The following PAK4 variants were observed in gnomAD, a reference collection of about 807,000 sequenced individuals.
PAK4 encodes the protein p21 (RAC1) activated kinase 4, also known as serine/threonine-protein kinase PAK 4.
Under a neutral mutation model 53.5 loss-of-function variants are expected in PAK4, and 49 were observed. The observed-to-expected ratio is 0.92, with a 90% CI of 0.73 to 1.16. The LOEUF (loss-of-function observed/expected upper bound fraction) is 1.16. PAK4 is among the 50% of genes most tolerant of loss of function. The pLI is 0.00. For synonymous variants in PAK4, 376 were observed against 375.6 expected, an observed-to-expected ratio of 1.00 and a Z score of -0.01; for missense variants, 824 against 850.7, an observed-to-expected ratio of 0.97 and a Z score of 0.39.
In PAK4 at chr19:39,173,826, G is replaced by A. The variant is rs773602585; in HGVS notation, c.914G>A (p.Arg305Gln). 33 of 1,612,116 alleles carry A rather than the reference G, an allele frequency of 2.0e-5. No individual in the cohort carries two copies. Among genetic ancestry groups the A allele is most frequent in the Middle Eastern group, 1.6e-4 (1 of 6,084 alleles). Residue 305 changes from arginine (R) to glutamine (Q), a missense_variant, in exon 4 of 9, where the codon CGG becomes CAG. Coordinates refer to ENST00000358301, the Ensembl canonical transcript of PAK4. The surrounding 1 kb of genome is among the most constrained non-coding windows in gnomAD (Gnocchi z 6.9). ...CAGCGAGTATCCCATGAGCAGTTCC[G>A]GGCTGCCCTGCAGCTGGTGGTGGAC...
intron 1 of PAK4, among the ~76,000 whole-genome samples, chr19:39,159,907 G>C (rs1278583798): frequency 3.3e-5 from 5 of 152,204 alleles, no homozygotes; most frequent in Non-Finnish European, 7.4e-5. Flanking sequence ...CCCCCCACTG[G>C]ATCTGTGTCT....
intron 1 of PAK4, among the ~76,000 whole-genome samples, chr19:39,145,913 C>T (rs2073991646): frequency 1.3e-5 from 2 of 152,132 alleles, no homozygotes; most frequent in Non-Finnish European, 2.9e-5. Context: ...GGGATTGCCA[C>T]CCAGCTCCGC....
intron 1 of PAK4, among the ~76,000 whole-genome samples, chr19:39,128,421 C>A (rs556432926): frequency 8.5e-4 from 129 of 152,310 alleles, no homozygotes; most frequent in Middle Eastern, 3.4e-3. Flanking sequence ...TGCCAGGCAG[C>A]CCTCTGAGGC....
Position 39,158,027 on chromosome 19 carries a change from AGT to A in PAK4, c.-22-11501_-22-11500del, listed in dbSNP as rs1036907556. ...ATGCATGTGTGTATGCATGTGTGTG[AGT>A]GTGCATGTATGTGAGCATGTATTTG... is the stretch of plus-strand genomic sequence containing the variant. On this transcript the variant is annotated intron_variant, in intron 1 of 8. Coordinates refer to ENST00000358301, the Ensembl canonical transcript of PAK4. Among the ~76,000 whole-genome samples, 4 of 151,778 alleles carry A rather than the reference AGT, an allele frequency of 2.6e-5. No individual in the cohort carries two copies. In the South Asian group the frequency reaches 8.3e-4, roughly 32 times the overall value.
chr19:39,175,157 C>T lies in PAK4; in HGVS notation c.1232+93C>T, dbSNP rs878959201. 19 of 1,518,318 alleles carry T rather than the reference C, an allele frequency of 1.3e-5. No individual in the cohort carries two copies. The highest frequency in any genetic ancestry group is 5.5e-5 in the African/African-American group (4 of 72,890). The allele number at this position is 1,518,318 out of a possible 1,614,324, so 94.1% of individuals were successfully genotyped here. ...CCACATCTCCAAACCAGCTGTGCTCCGGGCCCCTGGGATGGGGTCGTGTCT... is the reference window on the plus strand; with the variant it reads ...CCACATCTCCAAACCAGCTGTGCTCTGGGCCCCTGGGATGGGGTCGTGTCT... On this transcript the variant is annotated intron_variant, in intron 5 of 8. Transcript: ENST00000358301. This position sits in a 1 kb window ranked among gnomAD's most constrained non-coding sequence, Gnocchi z 4.7.
intron 1 of PAK4, among the ~76,000 whole-genome samples, chr19:39,157,985 A>G (rs543596059): frequency 6.6e-6 from 1 of 152,236 alleles, no homozygotes; most frequent in African/African-American, 2.4e-5. Flanking sequence ...CCTCACATGC[A>G]TCTGTGTCTA....
intron 1 of PAK4, among the ~76,000 whole-genome samples, chr19:39,158,715 AGC>A (rs2144758223): frequency 6.6e-6 from 1 of 152,216 alleles, no homozygotes; most frequent in East Asian, 1.9e-4. Context: ...CTCTTCGTTG[AGC>A]CACACTCTCT....
In PAK4 at chr19:39,161,122, G is replaced by A. The variant is rs2074277442; in HGVS notation, c.-22-8410G>A. 6.6e-6 allele frequency among the ~76,000 whole-genome samples: 1 copy of A among 152,242 alleles called. No homozygotes were observed. The highest frequency in any genetic ancestry group is 1.5e-5 in the Non-Finnish European group (1 of 68,044). The stretch of plus-strand genomic sequence containing the variant: ...TAGAGGGCTCCGCGTGGCCTGGTCT[G>A]TGTGCCTGGCACAGCCTGGGCAAGT... On this transcript the variant is annotated intron_variant, in intron 1 of 8. Transcript: ENST00000358301. The surrounding 1 kb of genome is among the most constrained non-coding windows in gnomAD (Gnocchi z 4.5).
chr19:39,150,049 G>C (rs888967343), intron 1 of PAK4, among the ~76,000 whole-genome samples: 1 of 152,132 alleles, frequency 6.6e-6, no homozygotes, highest in African/African-American at 2.4e-5. Context: ...TAATGCCACT[G>C]AATTGTATAC....
intron 2 of PAK4, 144 bp from the exon 4 acceptor site, chr19:39,172,774 C>G (rs895193333): frequency 3.6e-5 from 26 of 727,918 alleles, no homozygotes; most frequent in Non-Finnish European, 5.2e-5. Flanking sequence ...ACTGCCCATG[C>G]CATTGTCACT....
intron 1 of PAK4, among the ~76,000 whole-genome samples, chr19:39,162,116 C>T (rs1177040206): frequency 3.3e-5 from 5 of 152,024 alleles, no homozygotes; most frequent in South Asian, 2.1e-4. Context: ...CCTGCCACCA[C>T]GCCAGGCTAA....
At chr19:39,136,777 G>T (rs1248516703) in intron 1 of PAK4, among the ~76,000 whole-genome samples, 1 of 152,224 alleles carries the variant, frequency 6.6e-6, no homozygotes, top group Non-Finnish European at 1.5e-5. Context: ...CTGACTGACT[G>T]ACTGAACTGT....
chr19:39,168,832 T>C (rs45598837), intron 1 of PAK4: 3,209 of 152,320 alleles, frequency 0.021, 68 homozygotes, highest in Non-Finnish European at 0.029. Context: ...GCTGAGTCAA[T>C]ATCCAAAGGT....
At chr19:39,130,820 G>A (rs980203628) in intron 1 of PAK4, among the ~76,000 whole-genome samples, 28 of 151,324 alleles carry the variant, frequency 1.9e-4, no homozygotes, top group Non-Finnish European at 3.1e-4. Context: ...GTCATCAGAG[G>A]CTTTAGTGAC....
In PAK4 at chr19:39,161,353, C is replaced by T. The variant is rs1195998707; in HGVS notation, c.-22-8179C>T. Among the ~76,000 whole-genome samples, 5 of 152,314 alleles carry T rather than the reference C, an allele frequency of 3.3e-5. No individual in the cohort carries two copies. The highest frequency in any genetic ancestry group is 9.6e-5 in the African/African-American group (4 of 41,576). On this transcript the variant is annotated intron_variant, in intron 1 of 8. Transcript: ENST00000358301. The surrounding 1 kb of genome is among the most constrained non-coding windows in gnomAD (Gnocchi z 4.5). ...GACCTAGGCTGACTGCGCCAGGCTC[C>T]GCGCCAGGTGCTGGGGGTGCCACAT... is the stretch of plus-strand genomic sequence containing the variant.
chr19:39,136,039 T>G, intron 1 of PAK4, among the ~76,000 whole-genome samples: 1 of 45,986 alleles, frequency 2.2e-5, no homozygotes, highest in Non-Finnish European at 4.1e-5. Context: ...CGCCACCCCC[T>G]TCCTGGTCAC....
rs184755882 is a variant in PAK4, at chr19:39,176,378, G to T, written c.1360-212G>T. On this transcript the variant is annotated intron_variant, in intron 6 of 8. Coordinates refer to ENST00000358301, the Ensembl canonical transcript of PAK4. ...TGTCAGGGAGGGAAATGGGGGGATC[G>T]TGGGGGAGGTGACTTGCCCGAGGGC... 2.1e-3 allele frequency: 1,298 copies of T among 629,554 alleles called. 4 individuals are homozygous for T. Among genetic ancestry groups the T allele is most frequent in the Middle Eastern group, 6.8e-3 (17 of 2,484 alleles). The allele number at this position is 629,554 out of a possible 1,614,324, so 39.0% of individuals were successfully genotyped here. A position where few individuals can be genotyped will look rare whatever the true frequency, so the allele number is the denominator to read the frequency against.
In PAK4 at chr19:39,175,383, G is replaced by T; in HGVS notation, c.1304G>T (p.Gly435Val). The T allele has an allele frequency of 6.2e-7, 1 of 1,610,998 alleles. No homozygotes were observed. Among genetic ancestry groups the T allele is most frequent in the Admixed American group, 1.7e-5 (1 of 59,712 alleles). ...GCCCTGTCGGTGCTCCACGCCCAGG[G>T]CGTCATCCACCGGGACATCAAGAGC... The change falls in exon 6 of 9, where the codon GGC becomes GTC. Residue 435 changes from glycine (G) to valine (V), a missense_variant. By Grantham distance (109) the Gly-to-Val change is moderately radical (BLOSUM62 -3). Coordinates refer to ENST00000358301, the Ensembl canonical transcript of PAK4. The surrounding 1 kb of genome is among the most constrained non-coding windows in gnomAD (Gnocchi z 4.7).
intron 1 of PAK4, among the ~76,000 whole-genome samples, chr19:39,132,118 C>T (rs1349841967): frequency 6.6e-6 from 1 of 152,210 alleles, no homozygotes; most frequent in Non-Finnish European, 1.5e-5. Context: ...CACGCGTGTG[C>T]TGTGAGTCTA....
Sources: gnomAD v4.1 joint callset for allele counts (sites outside exome capture counted in the v4.1 genomes callset) on GRCh38, gnomAD v4.1.1 for gene constraint, Gnocchi (gnomAD v3.1) non-coding constraint, MANE v1.5 for transcripts, NCBI Gene and HGNC (gene_info 2026-07-23, HGNC 2026-07-21) for gene names.